PPP2R2B: variants seen among roughly 807,000 people sequenced by gnomAD.
The protein encoded by PPP2R2B is serine/threonine-protein phosphatase 2A 55 kDa regulatory subunit B beta isoform.
PPP2R2B carries 5 observed loss-of-function variants against 46.0 expected under a neutral mutation model. The observed-to-expected ratio is 0.11, with a 90% CI of 0.06 to 0.23. The LOEUF is 0.23. Among genes scored for constraint, PPP2R2B ranks in the 10% least tolerant of loss-of-function variants. PPP2R2B has a pLI of 1.00. For missense variants in PPP2R2B, 367 were observed against 575.0 expected (o/e 0.64, Z 3.70); for synonymous variants, 215 against 206.7 (o/e 1.04, Z -0.34).
intron 1 of PPP2R2B, among the ~76,000 whole-genome samples, chr5:146,891,057 A>T (rs1038096216): frequency 3.9e-5 from 6 of 152,120 alleles, no homozygotes; most frequent in African/African-American, 1.2e-4. Flanking sequence ...TCCCCAGCAA[A>T]TTTTTTCGTA....
intron 1 of PPP2R2B, chr5:146,922,330 T>G (rs1461785090): frequency 6.6e-6 from 1 of 152,180 alleles, no homozygotes; most frequent in Non-Finnish European, 1.5e-5. Context: ...CTTACCTTTT[T>G]TATATCAGAA....
chr5:146,747,239 G>A (rs528290331), intron 2 of PPP2R2B, among the ~76,000 whole-genome samples: 2 of 152,302 alleles, frequency 1.3e-5, no homozygotes, highest in African/African-American at 4.8e-5. Flanking sequence ...CAGTTTAGCT[G>A]TGAGACCATC....
upstream of PPP2R2B, chr5:146,878,894 C>A: frequency 8.7e-7 from 1 of 1,153,684 alleles, no homozygotes; most frequent in Admixed American, 3.6e-5. The surrounding 1 kb of genome is among the most constrained non-coding windows in gnomAD (Gnocchi z 4.5). Context: ...GGGGCGCATG[C>A]AGCCGCGAAT....
At chr5:147,022,394 T>C (rs1236009103) in intron 1 of PPP2R2B, among the ~76,000 whole-genome samples, 2 of 145,746 alleles carry the variant, frequency 1.4e-5, no homozygotes, top group African/African-American at 5.5e-5. Flanking sequence ...CTGTCTCTGC[T>C]AAAATAAAAA....
chr5:146,881,871 T>C (rs114003542), upstream of PPP2R2B, among the ~76,000 whole-genome samples: 1,609 of 152,322 alleles, frequency 0.011, 32 homozygotes, highest in African/African-American at 0.037. Context: ...ATTAAAATAA[T>C]CTGTTGTGAG....
intron 2 of PPP2R2B, among the ~76,000 whole-genome samples, chr5:146,715,138 C>A (rs967098159): frequency 1.3e-5 from 2 of 152,190 alleles, no homozygotes; most frequent in Admixed American, 1.3e-4. Flanking sequence ...CACTCTCATC[C>A]TTTCCCTGTG....
intron 1 of PPP2R2B, among the ~76,000 whole-genome samples, chr5:146,947,542 T>C (rs540092533): frequency 6.6e-6 from 1 of 152,128 alleles, no homozygotes; most frequent in East Asian, 1.9e-4. Flanking sequence ...ACAGAGCCAA[T>C]GGGACAGAAG....
At chr5:146,953,576 G>A (rs1298802784) in intron 1 of PPP2R2B, among the ~76,000 whole-genome samples, 1 of 152,158 alleles carries the variant, frequency 6.6e-6, no homozygotes, top group African/African-American at 2.4e-5. Flanking sequence ...AAGATATAAA[G>A]TGATACAAAA....
intron 2 of PPP2R2B, among the ~76,000 whole-genome samples, chr5:146,717,095 A>C (rs1431033907): frequency 2.0e-5 from 3 of 152,208 alleles, no homozygotes; most frequent in African/African-American, 7.2e-5. Context: ...GCTTAGCTTA[A>C]AGTCACACAT....
chr5:146,828,652 A>C (rs1036331269), intron 2 of PPP2R2B, among the ~76,000 whole-genome samples: 1 of 152,228 alleles, frequency 6.6e-6, no homozygotes, highest in African/African-American at 2.4e-5. Context: ...TGTATGGACA[A>C]AAAGGATGAT....
At chr5:146,712,801 A>G (rs1162480901) in intron 2 of PPP2R2B, among the ~76,000 whole-genome samples, 1 of 152,164 alleles carries the variant, frequency 6.6e-6, no homozygotes, top group Non-Finnish European at 1.5e-5. Context: ...GGTCAAGGGT[A>G]TATGAGTAGC....
chr5:146,711,351 C>A (rs1231304331), intron 2 of PPP2R2B, among the ~76,000 whole-genome samples: 9 of 152,018 alleles, frequency 5.9e-5, no homozygotes, highest in African/African-American at 2.2e-4. Flanking sequence ...GAATGGATAA[C>A]CCTAAACAAA....
intron 1 of PPP2R2B, among the ~76,000 whole-genome samples, chr5:146,923,844 G>T (rs1039300880): frequency 6.6e-6 from 1 of 152,174 alleles, no homozygotes; most frequent in Non-Finnish European, 1.5e-5. Context: ...TGATAGACTG[G>T]ATAAAGAAAA....
intron 2 of PPP2R2B, among the ~76,000 whole-genome samples, chr5:146,746,138 T>C (rs1218716028): frequency 6.6e-6 from 1 of 152,198 alleles, no homozygotes; most frequent in African/African-American, 2.4e-5. Context: ...GTGATGGCCA[T>C]GCAGCGTGTT....
chr5:146,819,893 T>C (rs1758153009), intron 2 of PPP2R2B, among the ~76,000 whole-genome samples: 1 of 152,096 alleles, frequency 6.6e-6, no homozygotes. Context: ...TATTCAGCCA[T>C]AAAAAATGAA....
rs373337193 is a variant in PPP2R2B, at chr5:146,910,247, CA to C, written c.79+145417del. ...GTAGCAGGGTGTTCATTTAGAATTT[CA>C]AAAAATTTTGCAGATAGAAAAAAAT... On this transcript the variant is annotated intron_variant, in intron 1 of 8. Coordinates refer to the PPP2R2B transcript ENST00000336640. 1.7e-3 allele frequency among the ~76,000 whole-genome samples: 258 copies of C among 152,216 alleles called. 1 individual carries two copies. Among genetic ancestry groups the C allele is most frequent in the African/African-American group, 6.0e-3 (248 of 41,538 alleles).
chr5:146,824,827 T>C (rs1758472762), intron 2 of PPP2R2B, among the ~76,000 whole-genome samples: 1 of 151,696 alleles, frequency 6.6e-6, no homozygotes, highest in African/African-American at 2.4e-5. Flanking sequence ...AAATGATTCT[T>C]CCACCTCAGC....
At position 146,835,259 on chromosome 5, in the gene PPP2R2B, A is replaced by C. The variant is rs572327548; in HGVS notation, c.70+42743T>G. Among the ~76,000 whole-genome samples the C allele has an allele frequency of 8.0e-5, 12 of 150,174 alleles. No individual in the cohort carries two copies. In the South Asian group the frequency reaches 2.7e-3, roughly 34 times the overall value. On this transcript the variant is annotated intron_variant, in intron 2 of 9. Coordinates refer to ENST00000394411, the MANE Select transcript of PPP2R2B (RefSeq NM_181675.4). ...AAACAATGTATTATATTGTTTTTTCACTTATATTTTGAGGGAAAATATTAA... is the reference window on the plus strand; with the variant it reads ...AAACAATGTATTATATTGTTTTTTCCCTTATATTTTGAGGGAAAATATTAA...
chr5:146,705,111 A>G (rs1174646489), intron 2 of PPP2R2B, among the ~76,000 whole-genome samples: 2 of 152,210 alleles, frequency 1.3e-5, no homozygotes, highest in African/African-American at 2.4e-5. Flanking sequence ...CTCAACATCA[A>G]TCATAGAGAT....
Sources: gnomAD v4.1 joint callset for allele counts (sites outside exome capture counted in the v4.1 genomes callset) on GRCh38, gnomAD v4.1.1 for gene constraint, Gnocchi (gnomAD v3.1) non-coding constraint, MANE v1.5 for transcripts, NCBI Gene and HGNC (gene_info 2026-07-23, HGNC 2026-07-21) for gene names.